Variants in HHLA1 observed in about 807,000 individuals in gnomAD.
HHLA1 encodes HHLA1 neighbor of OC90, also known as HERV-H LTR-associating protein 1.
In HHLA1, 72 loss-of-function variants were observed where a neutral mutation model predicts 69.9. The observed-to-expected ratio is 1.03, with a 90% confidence interval of 0.85 to 1.25. HHLA1 has a LOEUF of 1.25. Among genes scored for constraint, HHLA1 ranks in the 50% most tolerant of loss-of-function variants. HHLA1 has a pLI of 0.00. For missense variants in HHLA1, 685 were observed against 642.2 expected (o/e 1.07, Z -0.72); for synonymous variants, 252 against 233.2 (o/e 1.08, Z -0.73).
At chr8:132,092,019 A>G (rs1315904252) in intron 7 of HHLA1, among the ~76,000 whole-genome samples, 3 of 152,264 alleles carry the variant, frequency 2.0e-5, no homozygotes, top group African/African-American at 7.2e-5. Context: ...CAAATTAAAT[A>G]AATCATGGTA....
At chr8:132,071,305 A>G in intron 15 of HHLA1, 35 bp downstream of exon 15, 1 of 1,535,440 alleles carries the variant, frequency 6.5e-7, no homozygotes, top group Non-Finnish European at 8.8e-7. Flanking sequence ...AGCTATAAAT[A>G]TTCCATGTGA....
chr8:132,064,180 A>G (rs2130871904), intron 16 of HHLA1, 142 bp from the exon 17 acceptor site: 1 of 280,552 alleles, frequency 3.6e-6, no homozygotes. Context: ...GACAGGGGTC[A>G]CTAGGGGTGA....
chr8:132,082,418 A>G (rs1359646970), intron 10 of HHLA1, among the ~76,000 whole-genome samples: 2 of 152,178 alleles, frequency 1.3e-5, no homozygotes, highest in Admixed American at 6.6e-5. Flanking sequence ...AATTCTGACC[A>G]CACTAACCAT....
In HHLA1 at chr8:132,107,606, C is replaced by T. The variant is rs114011106; in HGVS notation, c.-21-2320G>A. Among the ~76,000 whole-genome samples the T allele has an allele frequency of 4.0e-3, 607 of 152,232 alleles. 3 individuals carry two copies. The highest frequency in any genetic ancestry group is 0.014 in the African/African-American group (586 of 41,526). ...TGAGCCACCGCGCTTGGCCGACATG[C>T]TAAGATTTATTACTCGAAGACTACA... On this transcript the variant is annotated intron_variant, in intron 1 of 16. Transcript: ENST00000414222.
chr8:132,075,504 G>A (rs1019990155), intron 14 of HHLA1, among the ~76,000 whole-genome samples: 2 of 152,208 alleles, frequency 1.3e-5, no homozygotes, highest in Non-Finnish European at 2.9e-5. Context: ...TCAGGAAATG[G>A]TCTTCGTCTA....
chr8:132,079,472 C>T (rs551916245), intron 11 of HHLA1, among the ~76,000 whole-genome samples: 16 of 152,332 alleles, frequency 1.1e-4, no homozygotes, highest in South Asian at 6.2e-4. Context: ...GAGTCTTAAA[C>T]TATTTCAGAA....
chr8:132,096,531 A>G (rs906222099), intron 5 of HHLA1, among the ~76,000 whole-genome samples: 1 of 152,172 alleles, frequency 6.6e-6, no homozygotes, highest in Non-Finnish European at 1.5e-5. Flanking sequence ...TAAACCAGGA[A>G]TACTAACATA....
At chr8:132,095,645 C>T (rs1046871198) in intron 6 of HHLA1, 43 bp from the exon 7 acceptor site, 14 of 1,526,124 alleles carry the variant, frequency 9.2e-6, no homozygotes, top group African/African-American at 8.3e-5. Flanking sequence ...ACACACAGAC[C>T]AGCCCTGCAA....
In HHLA1 at chr8:132,100,243, T is replaced by C. The variant is rs1824091454; in HGVS notation, c.140-109A>G. 3 of 765,666 alleles carry C rather than the reference T, an allele frequency of 3.9e-6. No individual in the cohort carries two copies. The East Asian group carries it at 8.0e-5, about 21-fold the overall frequency. 47.4% of individuals were successfully genotyped at this position (765,666 alleles called of 1,614,324 possible). A position where few individuals can be genotyped will look rare whatever the true frequency, so the allele number is the denominator to read the frequency against. On this transcript the variant is annotated intron_variant, in intron 3 of 16. Transcript: ENST00000414222. Reference sequence around the variant, plus strand: ...TTGGCCTCTGCTCTCCGTGTGAGAGTCACTGGCGGACACTGAGGAAAGGCA... The same window carrying C: ...TTGGCCTCTGCTCTCCGTGTGAGAGCCACTGGCGGACACTGAGGAAAGGCA...
chr8:132,077,678 T>A (rs1204135411), intron 12 of HHLA1, 48 bp downstream of exon 12: 8 of 1,531,528 alleles, frequency 5.2e-6, no homozygotes, highest in African/African-American at 4.1e-5. Context: ...CAGACAATGC[T>A]AAGTTTAATT....
In HHLA1 at chr8:132,078,747, GA is replaced by G. The variant is rs1295036858; in HGVS notation, c.926-777del. ...TCAGGAAAGAGAGAGAACATTTATA[GA>G]GCTGTGTTTTTAACAGCTAGCCTCC... On this transcript the variant is annotated intron_variant, in intron 11 of 16. Coordinates refer to ENST00000414222, the MANE Select transcript of HHLA1 (RefSeq NM_001145095.3). 6.6e-5 allele frequency among the ~76,000 whole-genome samples: 10 copies of G among 152,118 alleles called. No individual in the cohort carries two copies. The South Asian group carries it at 1.7e-3, about 25-fold the overall frequency.
chr8:132,089,571 G>A lies in HHLA1; in HGVS notation c.477C>T (p.Ile159=), dbSNP rs6471038. ...SDFTALLVDI[I]GNSTSYLTEI... The stretch of plus-strand genomic sequence containing the variant: ...CTGTGAGGTAGCTGGTAGAATTGCC[G>A]ATGATATCTACCAGTAGAGCTGTAA... Residue 159 remains isoleucine, a synonymous_variant, in exon 8 of 17, where the codon ATC becomes ATT. Transcript: ENST00000414222. 0.94 allele frequency: 1,424,394 copies of A among 1,517,038 alleles called. 669,972 individuals are homozygous for A. Among genetic ancestry groups the A allele is most frequent in the South Asian group, 0.95 (79,413 of 83,390 alleles). The allele number at this position is 1,517,038 out of a possible 1,614,324, so 94.0% of individuals were successfully genotyped here. A position where few individuals can be genotyped will look rare whatever the true frequency, so the allele number is the denominator to read the frequency against.
intron 5 of HHLA1, among the ~76,000 whole-genome samples, chr8:132,098,662 A>G (rs1397339264): frequency 2.6e-5 from 4 of 151,942 alleles, no homozygotes; most frequent in African/African-American, 9.7e-5. Flanking sequence ...GGGTTTTGTC[A>G]TGTTGCCTAG....
At chr8:132,096,611 T>C (rs1477612051) in intron 5 of HHLA1, among the ~76,000 whole-genome samples, 1 of 152,144 alleles carries the variant, frequency 6.6e-6, no homozygotes, top group Non-Finnish European at 1.5e-5. Flanking sequence ...TCTTAGTTTA[T>C]ATCTGGAGCA....
At chr8:132,086,632 G>C (rs546040104) in intron 10 of HHLA1, among the ~76,000 whole-genome samples, 55 of 152,286 alleles carry the variant, frequency 3.6e-4, no homozygotes, top group African/African-American at 1.1e-3. Context: ...TGTGTTGAGG[G>C]GGGTGTGGTG....
At position 132,108,151 on chromosome 8, in the gene HHLA1, A is replaced by T. The variant is rs149558969; in HGVS notation, c.-21-2865T>A. 2.1e-3 allele frequency among the ~76,000 whole-genome samples: 322 copies of T among 152,320 alleles called. 1 individual carries two copies. The highest frequency in any genetic ancestry group is 7.4e-3 in the African/African-American group (306 of 41,564). On this transcript the variant is annotated intron_variant, in intron 1 of 16. Transcript: ENST00000414222. ...ATTTCCTGGCTCTGCAGTGCAACTT[A>T]CTAAACCTCTCTGTGCCTCACCCAA...
At chr8:132,070,669 G>A (rs566086199) in intron 15 of HHLA1, among the ~76,000 whole-genome samples, 75 of 131,314 alleles carry the variant, frequency 5.7e-4, no homozygotes, top group African/African-American at 2.1e-3. Context: ...ATCTCATCAC[G>A]GCTAAACTCA....
intron 5 of HHLA1, 60 bp from the exon 6 acceptor site, chr8:132,095,846 A>G: frequency 3.9e-6 from 4 of 1,032,732 alleles, no homozygotes; most frequent in East Asian, 2.6e-5. Context: ...CAATAATACA[A>G]ATAAGTAAAC....
chr8:132,065,153 A>G (rs77686403), intron 16 of HHLA1, among the ~76,000 whole-genome samples: 2,145 of 152,342 alleles, frequency 0.014, 39 homozygotes, highest in African/African-American at 0.045. Context: ...GAATATCTGG[A>G]AATAAATGAA....
Sources: allele counts gnomAD v4.1 joint callset (sites outside exome capture counted in the v4.1 genomes callset), GRCh38; gene constraint gnomAD v4.1.1; transcripts MANE v1.5; gene names NCBI Gene and HGNC (gene_info 2026-07-23, HGNC 2026-07-21).